Variants in ZC2HC1B observed in about 807,000 individuals in gnomAD.
ZC2HC1B encodes zinc finger C2HC-type containing 1B.
Under a neutral mutation model 31.0 loss-of-function variants are expected in ZC2HC1B, and 36 were observed. That is an observed-to-expected ratio of 1.16 (90% CI 0.89 to 1.54). The LOEUF (loss-of-function observed/expected upper bound fraction) is 1.54. Among genes scored for constraint, ZC2HC1B ranks in the 40% most tolerant of loss-of-function variants. ZC2HC1B has a pLI of 0.00. For synonymous variants in ZC2HC1B, 73 were observed against 88.0 expected (o/e 0.83, Z 0.95); for missense variants, 260 against 268.6 (o/e 0.97, Z 0.22).
chr6:143,881,316 C>T (rs1397740651), intron 1 of ZC2HC1B, among the ~76,000 whole-genome samples: 1 of 151,724 alleles, frequency 6.6e-6, no homozygotes, highest in African/African-American at 2.4e-5. Flanking sequence ...TTTGGGAGGC[C>T]AAGGTGGGAG....
At position 143,884,497 on chromosome 6, in the gene ZC2HC1B, C is replaced by T. The variant is rs1777507514; in HGVS notation, c.90+132C>T. 3 of 780,762 alleles carry T rather than the reference C, an allele frequency of 3.8e-6. No individual in the cohort carries two copies. In the East Asian group the frequency reaches 8.7e-5, roughly 23 times the overall value. The allele number at this position is 780,762 out of a possible 1,614,324, so 48.4% of individuals were successfully genotyped here. On this transcript the variant is annotated intron_variant, in intron 2 of 7. Coordinates refer to ENST00000237275, the MANE Select transcript of ZC2HC1B (RefSeq NM_001013623.3). The surrounding 1 kb of genome is among the most constrained non-coding windows in gnomAD (Gnocchi z 5.1). ...CAAGGGAAGAGGAAAAGTACATAACCTATGGCTGGTGGGCCCAGAGAACAC... is the reference window on the plus strand; with the variant it reads ...CAAGGGAAGAGGAAAAGTACATAACTTATGGCTGGTGGGCCCAGAGAACAC...
chr6:143,882,897 C>T (rs539187743), intron 1 of ZC2HC1B, among the ~76,000 whole-genome samples: 91 of 152,284 alleles, frequency 6.0e-4, no homozygotes, highest in African/African-American at 1.9e-3. Context: ...AGTCCTTCTG[C>T]CTCTAAACGT....
At chr6:143,867,213 G>C (rs953489149) in intron 1 of ZC2HC1B, among the ~76,000 whole-genome samples, 1 of 152,176 alleles carries the variant, frequency 6.6e-6, no homozygotes, top group Non-Finnish European at 1.5e-5. Flanking sequence ...TTGGATAAGG[G>C]ATACTTAACC....
chr6:143,888,117 A>G (rs1777552695), intron 4 of ZC2HC1B, among the ~76,000 whole-genome samples: 1 of 151,976 alleles, frequency 6.6e-6, no homozygotes, highest in African/African-American at 2.4e-5. Context: ...GTTTTTTTGC[A>G]TGTGGATATC....
rs1199173217 is a variant in ZC2HC1B, at chr6:143,884,371, C to T, written c.90+6C>T. ...GTTTTGCAGCAGATGTTCTGGTAAA[C>T]ATAAAGACATTTTGTAGATGTGTTT... On this transcript the variant is annotated splice_donor_region_variant and intron_variant, in intron 2 of 7. Transcript: ENST00000237275. This position sits in a 1 kb window ranked among gnomAD's most constrained non-coding sequence, Gnocchi z 5.1. 2.6e-6 allele frequency: 4 copies of T among 1,531,826 alleles called. No homozygotes were observed. In the East Asian group the frequency reaches 7.4e-5, roughly 28 times the overall value. The allele number at this position is 1,531,826 out of a possible 1,614,324, so 94.9% of individuals were successfully genotyped here. A position where few individuals can be genotyped will look rare whatever the true frequency, so the allele number is the denominator to read the frequency against.
chr6:143,912,642 G>A (rs1322708297), intron 6 of ZC2HC1B, among the ~76,000 whole-genome samples: 1 of 152,148 alleles, frequency 6.6e-6, no homozygotes, highest in African/African-American at 2.4e-5. Flanking sequence ...CTCTATCCTG[G>A]GGTACTGACC....
At chr6:143,867,112 G>A (rs1180658119) in intron 1 of ZC2HC1B, among the ~76,000 whole-genome samples, 1 of 152,110 alleles carries the variant, frequency 6.6e-6, no homozygotes, top group Non-Finnish European at 1.5e-5. Context: ...GGTGACATAC[G>A]AAATAAAGTG....
intron 5 of ZC2HC1B, among the ~76,000 whole-genome samples, chr6:143,901,363 G>A (rs944419904): frequency 3.5e-5 from 5 of 144,578 alleles, no homozygotes; most frequent in African/African-American, 1.0e-4. Context: ...GGGTTCAAGC[G>A]ATTCTTGTGA....
intron 6 of ZC2HC1B, among the ~76,000 whole-genome samples, chr6:143,930,671 C>T (rs574396454): frequency 6.6e-6 from 1 of 152,124 alleles, no homozygotes; most frequent in East Asian, 1.9e-4. Context: ...GCCACCGCGC[C>T]CAGCCAGTTT....
rs1285903971 is a variant in ZC2HC1B at position 143,922,582 on chromosome 6, T to C, written c.599-15067T>C. ...TATGAATGAGAACATGTGATATTTG[T>C]CTTTCTGTGTCTGGCTTAATTCATT... On this transcript the variant is annotated intron_variant, in intron 6 of 7. Coordinates refer to ENST00000237275, the MANE Select transcript of ZC2HC1B (RefSeq NM_001013623.3). The surrounding 1 kb of genome is among the most constrained non-coding windows in gnomAD (Gnocchi z 5.0). 6.6e-6 allele frequency among the ~76,000 whole-genome samples: 1 copy of C among 152,228 alleles called. No homozygotes were observed. The highest frequency in any genetic ancestry group is 2.1e-4 in the South Asian group (1 of 4,838).
At chr6:143,875,320 AAGTGACTAAT>A (rs1777392470) in intron 1 of ZC2HC1B, among the ~76,000 whole-genome samples, 3 of 151,370 alleles carry the variant, frequency 2.0e-5, no homozygotes, top group Non-Finnish European at 4.4e-5. Flanking sequence ...AGTAGGTCTA[AAGTGACTAAT>A]CCACTCCACC....
chr6:143,899,265 TAC>T lies in ZC2HC1B; in HGVS notation c.489+576_489+577del, dbSNP rs369929730. On this transcript the variant is annotated intron_variant, in intron 5 of 7. Coordinates refer to ENST00000237275, the MANE Select transcript of ZC2HC1B (RefSeq NM_001013623.3). The surrounding 1 kb of genome is among the most constrained non-coding windows in gnomAD (Gnocchi z 5.0). ...GAACTGGAGCCAGCAAACAGCACCATACAGTCGAAGGTCTCAGGTACATACTT... is the reference window on the plus strand; with the variant it reads ...GAACTGGAGCCAGCAAACAGCACCATAGTCGAAGGTCTCAGGTACATACTT... 1.6e-3 allele frequency among the ~76,000 whole-genome samples: 251 copies of T among 152,338 alleles called. No homozygotes were observed. The highest frequency in any genetic ancestry group is 5.6e-3 in the Admixed American group (86 of 15,302).
rs1220318996 is a variant in ZC2HC1B, at chr6:143,868,793, G to T, written c.28+4226G>T. On this transcript the variant is annotated intron_variant, in intron 1 of 7. Transcript: ENST00000237275. This position sits in a 1 kb window ranked among gnomAD's most constrained non-coding sequence, Gnocchi z 4.2. Reference sequence around the variant, plus strand: ...AATACAACTATCCTTAATACAACCAGAAATGCACCAATCCCCAACCCAAAT... The same window carrying T: ...AATACAACTATCCTTAATACAACCATAAATGCACCAATCCCCAACCCAAAT... Among the ~76,000 whole-genome samples, 1 of 152,116 alleles carries T rather than the reference G, an allele frequency of 6.6e-6. No homozygotes were observed. The highest frequency in any genetic ancestry group is 1.5e-5 in the Non-Finnish European group (1 of 68,026).
rs890780189 is a variant in ZC2HC1B at position 143,868,532 on chromosome 6, A to G, written c.28+3965A>G. Reference sequence around the variant, plus strand: ...AGGTGACTAGGTGGTGCCCACCCAGATTAAGGATGAGTCTGCCTTCCCCAG... The same window carrying G: ...AGGTGACTAGGTGGTGCCCACCCAGGTTAAGGATGAGTCTGCCTTCCCCAG... On this transcript the variant is annotated intron_variant, in intron 1 of 7. Transcript: ENST00000237275. This position sits in a 1 kb window ranked among gnomAD's most constrained non-coding sequence, Gnocchi z 4.2. Among the ~76,000 whole-genome samples, 4 of 152,084 alleles carry G rather than the reference A, an allele frequency of 2.6e-5. No homozygotes were observed. Among genetic ancestry groups the G allele is most frequent in the Non-Finnish European group, 5.9e-5 (4 of 68,024 alleles).
rs59092063 is a variant in ZC2HC1B at position 143,912,059 on chromosome 6, C to T, written c.598+8907C>T. 2.1e-3 allele frequency among the ~76,000 whole-genome samples: 318 copies of T among 152,262 alleles called. 6 individuals carry two copies. In the East Asian group the frequency reaches 0.038, roughly 18 times the overall value. The stretch of plus-strand genomic sequence containing the variant: ...TCTTTCTTCCACATAGTCTATTCTG[C>T]TATTAATATTTGTGATTGCATTGTG... On this transcript the variant is annotated intron_variant, in intron 6 of 7. Coordinates refer to ENST00000237275, the MANE Select transcript of ZC2HC1B (RefSeq NM_001013623.3).
At chr6:143,893,188 A>T (rs1777620513) in intron 4 of ZC2HC1B, among the ~76,000 whole-genome samples, 1 of 152,232 alleles carries the variant, frequency 6.6e-6, no homozygotes, top group Non-Finnish European at 1.5e-5. Context: ...AGCCAATAGC[A>T]CACGAAAAGA....
intron 6 of ZC2HC1B, among the ~76,000 whole-genome samples, chr6:143,906,291 T>G (rs1777794359): frequency 6.6e-6 from 1 of 152,168 alleles, no homozygotes; most frequent in African/African-American, 2.4e-5. Context: ...ATTCATCCAT[T>G]TCATCTAGGT....
rs980735024 is a variant in ZC2HC1B, at chr6:143,915,058, T to C, written c.598+11906T>C. Among the ~76,000 whole-genome samples, 1 of 152,226 alleles carries C rather than the reference T, an allele frequency of 6.6e-6. No individual in the cohort carries two copies. The highest frequency in any genetic ancestry group is 1.5e-5 in the Non-Finnish European group (1 of 68,034). Reference sequence around the variant, plus strand: ...GTTTTCTATATGCCTTACAGCTTTTTTGTTCCTCGTTTCCTGCATCACTGT... The same window carrying C: ...GTTTTCTATATGCCTTACAGCTTTTCTGTTCCTCGTTTCCTGCATCACTGT... On this transcript the variant is annotated intron_variant, in intron 6 of 7. Coordinates refer to ENST00000237275, the MANE Select transcript of ZC2HC1B (RefSeq NM_001013623.3). This position sits in a 1 kb window ranked among gnomAD's most constrained non-coding sequence, Gnocchi z 5.2.
chr6:143,931,424 G>A (rs186801477), intron 6 of ZC2HC1B, among the ~76,000 whole-genome samples: 51 of 152,080 alleles, frequency 3.4e-4, no homozygotes, highest in Admixed American at 9.2e-4. Flanking sequence ...TGTTTTATAG[G>A]CCCTGTGAGA....
Sources: gnomAD v4.1 joint callset for allele counts (sites outside exome capture counted in the v4.1 genomes callset) on GRCh38, gnomAD v4.1.1 for gene constraint, Gnocchi (gnomAD v3.1) non-coding constraint, MANE v1.5 for transcripts, NCBI Gene and HGNC (gene_info 2026-07-23, HGNC 2026-07-21) for gene names.